Variants in ABCA13 observed in about 807,000 individuals in gnomAD.
ABCA13 encodes ATP-binding cassette sub-family A member 13.
A neutral mutation model predicts 478.7 loss-of-function variants in ABCA13; 476 were observed. That is an observed-to-expected ratio of 0.99 (90% CI 0.92 to 1.07). ABCA13 has a LOEUF of 1.07. Ranked by LOEUF, ABCA13 falls within the 50% of genes least tolerant of loss-of-function variation. The probability of loss-of-function intolerance (pLI) is 0.00; values close to 1 mark genes in which losing one functional copy is unlikely to be tolerated. For missense variants in ABCA13, 6,060 were observed against 5,910.6 expected, an observed-to-expected ratio of 1.03 and a Z score of -0.83; for synonymous variants, 2,252 against 2,158.9, an observed-to-expected ratio of 1.04 and a Z score of -1.20.
At chr7:48,395,507 A>G (rs546345711) in intron 38 of ABCA13, among the ~76,000 whole-genome samples, 2 of 152,268 alleles carry the variant, frequency 1.3e-5, no homozygotes, top group African/African-American at 2.4e-5. Flanking sequence ...AATGTTTTCA[A>G]TACAAGTAAC....
At chr7:48,439,094 G>A (rs1473192643) in intron 42 of ABCA13, among the ~76,000 whole-genome samples, 1 of 152,098 alleles carries the variant, frequency 6.6e-6, no homozygotes, top group African/African-American at 2.4e-5. Context: ...CAACAGAACA[G>A]ATTAAAACAA....
intron 20 of ABCA13, among the ~76,000 whole-genome samples, chr7:48,293,644 G>T (rs1370129826): frequency 1.3e-5 from 2 of 152,302 alleles, no homozygotes; most frequent in Non-Finnish European, 2.9e-5. Flanking sequence ...TTATATGTTT[G>T]TGGTGTTTTC....
rs1398816361 is a variant in ABCA13, at chr7:48,277,682, C to G, written c.6900-412C>G. On this transcript the variant is annotated intron_variant, in intron 17 of 61. Coordinates refer to ENST00000435803, the MANE Select transcript of ABCA13 (RefSeq NM_152701.5). The stretch of plus-strand genomic sequence containing the variant: ...AGCCTAGTCATGTTGATACATCTGT[C>G]TGAGCAATTTGCTAGTACTTCTAAA... Among the ~76,000 whole-genome samples the G allele has an allele frequency of 2.0e-5, 3 of 152,164 alleles. No individual in the cohort carries two copies. In the East Asian group the frequency reaches 5.8e-4, roughly 29 times the overall value.
At chr7:48,226,850 GT>G (rs1047832073) in intron 5 of ABCA13, among the ~76,000 whole-genome samples, 3 of 152,050 alleles carry the variant, frequency 2.0e-5, no homozygotes, top group South Asian at 2.1e-4. Context: ...GAAATGTTGG[GT>G]TTTTTTGTTC....
chr7:48,487,495 T>A (rs1449883976), intron 47 of ABCA13, among the ~76,000 whole-genome samples: 1 of 152,036 alleles, frequency 6.6e-6, no homozygotes, highest in South Asian at 2.1e-4. Flanking sequence ...GTTTTTTTTT[T>A]AATCACTCTA....
At chr7:48,372,605 T>C (rs552675480) in intron 33 of ABCA13, 108 bp downstream of exon 33, 1 of 906,798 alleles carries the variant, frequency 1.1e-6, no homozygotes, top group African/African-American at 1.7e-5. Context: ...CATGTTCATA[T>C]CTACATGGGC....
In ABCA13 at chr7:48,374,359, A is replaced by T; in HGVS notation, c.11146A>T (p.Thr3716Ser). Residue 3716 changes from threonine to serine, a missense_variant, in exon 34 of 62, where the codon ACA becomes TCA. Thr to Ser is a moderately conservative substitution (Grantham distance 58, BLOSUM62 1). Around this residue, in one of 3 missense-constraint regions of ABCA13, gnomAD observed 4,423 missense variants for 4,309.1 expected, o/e 1.03. Coordinates refer to ENST00000435803, the MANE Select transcript of ABCA13 (RefSeq NM_152701.5). ...AATCTGTGGGCAGTGCCTTCTTTCG[A>T]CAACCGCCTTTGGACAAGGGGTATT... Reference protein sequence around the residue: ...VNQTFLCLLSTTAFGQGVFFI... With the variant: ...VNQTFLCLLSSTAFGQGVFFI... 1 of 1,610,144 alleles carries T rather than the reference A, an allele frequency of 6.2e-7. No individual in the cohort carries two copies. Among genetic ancestry groups the T allele is most frequent in the Non-Finnish European group, 8.5e-7 (1 of 1,178,476 alleles).
Position 48,272,412 on chromosome 7 carries a change from G to A in ABCA13, c.2746G>A (p.Ala916Thr), listed in dbSNP as rs749743208. The A allele has an allele frequency of 6.2e-7, 1 of 1,613,756 alleles. No homozygotes were observed. The highest frequency in any genetic ancestry group is 1.7e-5 in the Admixed American group (1 of 59,992). The change falls in exon 17 of 62, where the codon GCT becomes ACT. Residue 916 changes from alanine (A) to threonine (T), a missense_variant. Ala to Thr is a moderately conservative substitution (Grantham distance 58). Transcript: ENST00000435803. ...TTTGGAGCAGGAACAGATCTCAGAA[G>A]CTCTGAACACAGTCTACGCTATCAG... ...GFLEQEQISE[A>T]LNTVYAIRNA...
chr7:48,247,701 T>G (rs953345764), intron 13 of ABCA13, among the ~76,000 whole-genome samples: 2 of 152,118 alleles, frequency 1.3e-5, no homozygotes, highest in African/African-American at 4.8e-5. Context: ...TCAAGATGTC[T>G]CTTCTCCAGG....
intron 24 of ABCA13, among the ~76,000 whole-genome samples, chr7:48,312,509 A>G (rs1337854617): frequency 6.6e-6 from 1 of 152,216 alleles, no homozygotes; most frequent in East Asian, 1.9e-4. Context: ...TAAGCTTCAG[A>G]GGGCACTGAC....
intron 24 of ABCA13, among the ~76,000 whole-genome samples, chr7:48,311,718 G>T (rs1801811634): frequency 6.6e-6 from 1 of 152,154 alleles, no homozygotes; most frequent in Admixed American, 6.5e-5. Context: ...CCTTCTATAT[G>T]AAGGGCTCTA....
chr7:48,509,442 A>G (rs1831488703), intron 50 of ABCA13, among the ~76,000 whole-genome samples: 2 of 152,206 alleles, frequency 1.3e-5, no homozygotes, highest in African/African-American at 2.4e-5. Context: ...CACAACACAC[A>G]GGGGGCCACG....
At chr7:48,604,682 A>T (rs1791284193) in intron 58 of ABCA13, among the ~76,000 whole-genome samples, 1 of 152,132 alleles carries the variant, frequency 6.6e-6, no homozygotes, top group South Asian at 2.1e-4. Context: ...ATGATGTGGT[A>T]CTGAGAAGAA....
Position 48,275,722 on chromosome 7 carries a change from C to T in ABCA13, c.6056C>T (p.Thr2019Met), listed in dbSNP as rs372307172. Residue 2019 changes from threonine to methionine, a missense_variant, in exon 17 of 62, where the codon ACG becomes ATG. Around this residue, in one of 3 missense-constraint regions of ABCA13, gnomAD observed 4,423 missense variants for 4,309.1 expected, o/e 1.03. Coordinates refer to ENST00000435803, the MANE Select transcript of ABCA13 (RefSeq NM_152701.5). ...ISEDWSLEKS[T>M]HNLLSLFMML... The stretch of plus-strand genomic sequence containing the variant: ...GAAGACTGGAGCCTAGAAAAAAGTA[C>T]GCATAATCTACTCTCTTTATTCATG... 77 of 1,603,100 alleles carry T rather than the reference C, an allele frequency of 4.8e-5. No individual in the cohort carries two copies. Among genetic ancestry groups the T allele is most frequent in the South Asian group, 2.3e-4 (21 of 89,664 alleles).
intron 55 of ABCA13, among the ~76,000 whole-genome samples, chr7:48,561,190 C>T (rs7808037): frequency 0.16 from 24,793 of 151,954 alleles, 2,227 homozygotes; most frequent in East Asian, 0.3. Context: ...TTGTGAATAG[C>T]GCTGCAATGA....
intron 59 of ABCA13, among the ~76,000 whole-genome samples, chr7:48,642,519 G>T (rs191045961): frequency 2.2e-4 from 33 of 152,290 alleles, no homozygotes; most frequent in African/African-American, 7.7e-4. Context: ...AATGGACAGA[G>T]ATTTTAGTCA....
chr7:48,543,229 T>G (rs940673375), intron 55 of ABCA13, among the ~76,000 whole-genome samples: 2 of 151,790 alleles, frequency 1.3e-5, no homozygotes, highest in African/African-American at 4.8e-5. Flanking sequence ...GTCGAAACAT[T>G]AAAATTGAAA....
chr7:48,262,775 A>G (rs1223226327), intron 15 of ABCA13, among the ~76,000 whole-genome samples: 1 of 151,922 alleles, frequency 6.6e-6, no homozygotes, highest in African/African-American at 2.4e-5. Context: ...GCAGATAACA[A>G]TTTGAGTTGT....
rs77631915 is a variant in ABCA13 at position 48,292,529 on chromosome 7, G to A, written c.8956-3171G>A. Among the ~76,000 whole-genome samples, 634 of 152,158 alleles carry A rather than the reference G, an allele frequency of 4.2e-3. 1 individual carries two copies. The highest frequency in any genetic ancestry group is 8.1e-3 in the Admixed American group (124 of 15,284). On this transcript the variant is annotated intron_variant, in intron 20 of 61. Transcript: ENST00000435803. Reference sequence around the variant, plus strand: ...CGTCTTCCAGTCTTATTTGGAATAGGTGTCCGATTTCTAAGGGAGGCCACT... The same window carrying A: ...CGTCTTCCAGTCTTATTTGGAATAGATGTCCGATTTCTAAGGGAGGCCACT...
Sources: allele counts gnomAD v4.1 joint callset (sites outside exome capture counted in the v4.1 genomes callset), GRCh38; gene constraint gnomAD v4.1.1; regional missense constraint gnomAD v4.1.1; transcripts MANE v1.5; gene names NCBI Gene and HGNC (gene_info 2026-07-23, HGNC 2026-07-21).